The following RANBP2 variants were observed in gnomAD, a reference collection of about 807,000 sequenced individuals.
RANBP2 encodes the protein E3 SUMO-protein ligase RanBP2.
Under a neutral mutation model 303.6 loss-of-function variants are expected in RANBP2, and 57 were observed. The observed-to-expected ratio is 0.19, with a 90% CI of 0.15 to 0.23. The LOEUF is 0.23. Ranked by LOEUF, RANBP2 falls within the 10% of genes least tolerant of loss-of-function variation. RANBP2 has a pLI of 1.00. For missense variants in RANBP2, 3,138 were observed against 3,780.8 expected, an observed-to-expected ratio of 0.83 and a Z score of 4.46; for synonymous variants, 1,167 against 1,301.5, an observed-to-expected ratio of 0.90 and a Z score of 2.23.
At chr2:109,256,341 G>A in the RANBP2 span, among the ~76,000 whole-genome samples, 3 of 152,216 alleles carry the variant, frequency 2.0e-5, no homozygotes, top group African/African-American at 7.2e-5. Flanking sequence ...AGCTTGGAAG[G>A]TGCTCTGGGC....
chr2:108,960,624 T>C, the RANBP2 span, among the ~76,000 whole-genome samples: 1 of 152,164 alleles, frequency 6.6e-6, no homozygotes, highest in African/African-American at 2.4e-5. Context: ...ATTTTCCTGA[T>C]TGTAAAAACA....
At chr2:109,059,867 C>T in the RANBP2 span, among the ~76,000 whole-genome samples, 1 of 151,998 alleles carries the variant, frequency 6.6e-6, no homozygotes, top group East Asian at 1.9e-4. Flanking sequence ...GCCACTGTGC[C>T]CAGGAGGATA....
At chr2:109,678,477 G>A in the RANBP2 span, among the ~76,000 whole-genome samples, 3 of 152,162 alleles carry the variant, frequency 2.0e-5, no homozygotes, top group Admixed American at 6.5e-5. Context: ...AAGCCCAGCT[G>A]GTCACCAAAG....
chr2:109,611,193 G>C, the RANBP2 span, among the ~76,000 whole-genome samples: 1 of 152,038 alleles, frequency 6.6e-6, no homozygotes, highest in African/African-American at 2.4e-5. Context: ...AACTCAAAAT[G>C]GGTCATAACA....
At chr2:109,383,970 C>G in the RANBP2 span, among the ~76,000 whole-genome samples, 61 of 152,326 alleles carry the variant, frequency 4.0e-4, no homozygotes, top group African/African-American at 1.5e-3. Context: ...CTGGCTGCCA[C>G]AAACAGTTCC....
At chr2:109,669,814 G>C in the RANBP2 span, among the ~76,000 whole-genome samples, 2 of 151,938 alleles carry the variant, frequency 1.3e-5, no homozygotes, top group Non-Finnish European at 2.9e-5. Context: ...CACCCAACCT[G>C]CTCCCCGCCA....
rs190607352 is a variant in RANBP2 at position 108,750,431 on chromosome 2, C to T, written c.1274-833C>T. On this transcript the variant is annotated intron_variant, in intron 9 of 28. Transcript: ENST00000283195. ...ACTTCAACAAAAAGTGTCTTCATTG[C>T]AAGTTATTTCCATAGAGATACCTAA... 3.2e-3 allele frequency among the ~76,000 whole-genome samples: 483 copies of T among 152,274 alleles called. 4 individuals carry two copies. The highest frequency in any genetic ancestry group is 0.011 in the African/African-American group (469 of 41,542).
the RANBP2 span, among the ~76,000 whole-genome samples, chr2:109,395,229 ACTC>A: frequency 6.6e-6 from 1 of 151,460 alleles, no homozygotes; most frequent in Non-Finnish European, 1.5e-5. Flanking sequence ...GTGGAAAATG[ACTC>A]CTCAGTCCCA....
At chr2:109,021,195 A>G in the RANBP2 span, among the ~76,000 whole-genome samples, 1 of 152,180 alleles carries the variant, frequency 6.6e-6, no homozygotes, top group Non-Finnish European at 1.5e-5. Flanking sequence ...CCAAGTGATA[A>G]GCAACACCGA....
At chr2:109,730,224 G>C in the RANBP2 span, among the ~76,000 whole-genome samples, 2 of 152,204 alleles carry the variant, frequency 1.3e-5, no homozygotes, top group Non-Finnish European at 2.9e-5. Flanking sequence ...TTCAGAGAAA[G>C]AGACACCTTA....
the RANBP2 span, among the ~76,000 whole-genome samples, chr2:109,527,235 A>G: frequency 6.6e-6 from 1 of 152,210 alleles, no homozygotes; most frequent in Non-Finnish European, 1.5e-5. Context: ...GCACGCCTTC[A>G]CTGTGCTGGT....
At chr2:109,572,763 T>C in the RANBP2 span, among the ~76,000 whole-genome samples, 1 of 151,930 alleles carries the variant, frequency 6.6e-6, no homozygotes, top group East Asian at 1.9e-4. Flanking sequence ...GCTACAGGCA[T>C]GTGCCATCAT....
chr2:109,221,214 G>A, the RANBP2 span, among the ~76,000 whole-genome samples: 1 of 152,178 alleles, frequency 6.6e-6, no homozygotes, highest in African/African-American at 2.4e-5. Flanking sequence ...ATCCTAGTCA[G>A]CCTCTCTTAA....
chr2:109,406,191 A>G, the RANBP2 span, among the ~76,000 whole-genome samples: 2 of 152,150 alleles, frequency 1.3e-5, no homozygotes, highest in African/African-American at 4.8e-5. Flanking sequence ...TATCATTCAC[A>G]TGTCAGTGCT....
chr2:108,962,705 A>AGG, the RANBP2 span, among the ~76,000 whole-genome samples: 4 of 135,052 alleles, frequency 3.0e-5, no homozygotes, highest in Admixed American at 7.4e-5. Context: ...AAAAAAAGAG[A>AGG]GAAAGGAATG....
At chr2:108,850,204 T>G in the RANBP2 span, among the ~76,000 whole-genome samples, 1 of 152,174 alleles carries the variant, frequency 6.6e-6, no homozygotes, top group Admixed American at 6.5e-5. Context: ...AAGAGTAGAC[T>G]TAACTCTAGT....
chr2:109,227,339 T>G, the RANBP2 span, among the ~76,000 whole-genome samples: 1 of 148,510 alleles, frequency 6.7e-6, no homozygotes, highest in Non-Finnish European at 1.5e-5. Context: ...GTCACAATAC[T>G]AAGGGACTTC....
At chr2:109,491,896 C>CT in the RANBP2 span, among the ~76,000 whole-genome samples, 1 of 152,234 alleles carries the variant, frequency 6.6e-6, no homozygotes, top group African/African-American at 2.4e-5. Context: ...CCCTGAACAC[C>CT]TGCTGCCCTC....
chr2:109,270,441 G>A, the RANBP2 span, among the ~76,000 whole-genome samples: 2 of 152,160 alleles, frequency 1.3e-5, no homozygotes, highest in African/African-American at 2.4e-5. Flanking sequence ...CCACAGGGAA[G>A]GAAACATTTC....
Sources: allele counts gnomAD v4.1 joint callset (sites outside exome capture counted in the v4.1 genomes callset), GRCh38; gene constraint gnomAD v4.1.1; transcripts MANE v1.5; gene names NCBI Gene and HGNC (gene_info 2026-07-23, HGNC 2026-07-21).